The following CHCHD3 variants were observed in gnomAD, a reference collection of about 807,000 sequenced individuals.
CHCHD3 encodes the protein MICOS complex subunit MIC19.
Under a neutral mutation model 38.2 loss-of-function variants are expected in CHCHD3, and 20 were observed. That is an observed-to-expected ratio of 0.52 (90% CI 0.37 to 0.76). CHCHD3 has a LOEUF of 0.76. Ranked by LOEUF, CHCHD3 falls within the 30% of genes least tolerant of loss-of-function variation. The pLI is 0.00. For missense variants in CHCHD3, 245 were observed against 279.2 expected (o/e 0.88, Z 0.87); for synonymous variants, 82 against 100.0 (o/e 0.82, Z 1.07).
chr7:132,839,472 C>G (rs1484884295), intron 5 of CHCHD3, among the ~76,000 whole-genome samples: 1 of 152,038 alleles, frequency 6.6e-6, no homozygotes, highest in Non-Finnish European at 1.5e-5. Context: ...CCTAAATGAC[C>G]CCATGAGCCC....
intron 6 of CHCHD3, among the ~76,000 whole-genome samples, chr7:132,821,499 G>A (rs1349498597): frequency 6.6e-6 from 1 of 152,122 alleles, no homozygotes; most frequent in East Asian, 1.9e-4. Flanking sequence ...ATGAAGAGAA[G>A]TCCTAATAAA....
chr7:133,057,632 T>C (rs1042262484), intron 2 of CHCHD3, among the ~76,000 whole-genome samples: 1 of 152,174 alleles, frequency 6.6e-6, no homozygotes, highest in African/African-American at 2.4e-5. Context: ...ATTTTTAAAA[T>C]CACCATTTTT....
At chr7:132,859,047 A>C (rs1365224935) in intron 5 of CHCHD3, among the ~76,000 whole-genome samples, 1 of 152,148 alleles carries the variant, frequency 6.6e-6, no homozygotes, top group Non-Finnish European at 1.5e-5. Flanking sequence ...CAGCTACAGT[A>C]CAGTGATTTG....
At chr7:132,970,155 A>G (rs766024287) in intron 4 of CHCHD3, among the ~76,000 whole-genome samples, 1 of 152,298 alleles carries the variant, frequency 6.6e-6, no homozygotes. Flanking sequence ...ATTCCCACTC[A>G]GCAACTTCTA....
chr7:132,886,709 A>T (rs568999716), intron 4 of CHCHD3, among the ~76,000 whole-genome samples: 86 of 150,964 alleles, frequency 5.7e-4, no homozygotes, highest in African/African-American at 1.7e-3. Context: ...AGATATATAT[A>T]TTTTTGTGTG....
chr7:132,991,396 T>C (rs1309170065), intron 3 of CHCHD3, among the ~76,000 whole-genome samples: 1 of 152,230 alleles, frequency 6.6e-6, no homozygotes, highest in East Asian at 1.9e-4. Flanking sequence ...ATAGCTCTTA[T>C]TGTGCATGTG....
chr7:133,034,711 G>A, intron 2 of CHCHD3: 3 of 1,613,400 alleles, frequency 1.9e-6, no homozygotes, highest in Non-Finnish European at 1.7e-6. Flanking sequence ...TCTCTGCCAG[G>A]ATCCAGTTTC....
At chr7:132,830,982 C>A (rs993709184) in intron 6 of CHCHD3, among the ~76,000 whole-genome samples, 28 of 152,112 alleles carry the variant, frequency 1.8e-4, no homozygotes, top group Admixed American at 1.3e-4. Flanking sequence ...TGCTATATTT[C>A]TTGCTCACAG....
At chr7:132,995,816 A>C (rs890345056) in intron 3 of CHCHD3, among the ~76,000 whole-genome samples, 5 of 152,346 alleles carry the variant, frequency 3.3e-5, no homozygotes, top group Middle Eastern at 3.4e-3. Flanking sequence ...CATACAAATT[A>C]TACCATTTAA....
At chr7:132,859,876 A>G (rs1334452462) in intron 5 of CHCHD3, among the ~76,000 whole-genome samples, 1 of 152,200 alleles carries the variant, frequency 6.6e-6, no homozygotes, top group African/African-American at 2.4e-5. Context: ...GACAACTCCC[A>G]GATCTATATA....
intron 4 of CHCHD3, among the ~76,000 whole-genome samples, chr7:132,917,858 C>CAAAAAAAA (rs33977058): frequency 1.1e-5 from 1 of 93,014 alleles, no homozygotes; most frequent in Admixed American, 1.4e-4. Flanking sequence ...GACTCCATCT[C>CAAAAAAAA]AAAAAAAAAA....
intron 4 of CHCHD3, among the ~76,000 whole-genome samples, chr7:132,913,926 G>T (rs888733697): frequency 1.6e-4 from 24 of 150,934 alleles, no homozygotes; most frequent in African/African-American, 3.4e-4. Flanking sequence ...ACAGAAAAAG[G>T]CTCTGTAAAC....
chr7:132,873,732 G>T lies in CHCHD3; in HGVS notation c.453+11930C>A, dbSNP rs114255169. Among the ~76,000 whole-genome samples, 788 of 151,490 alleles carry T rather than the reference G, an allele frequency of 5.2e-3. 9 individuals are homozygous for T. Among genetic ancestry groups the T allele is most frequent in the African/African-American group, 0.018 (758 of 41,352 alleles). On this transcript the variant is annotated intron_variant, in intron 5 of 7. Transcript: ENST00000262570. ...ATATGAAGTTGGGCATTCTATTTAG[G>T]TTAAAGATTGTGGATAAAATTGATA...
rs888316413 is a variant in CHCHD3, at chr7:133,035,203, C to G, written c.170-10576G>C. 5.0e-6 allele frequency: 8 copies of G among 1,613,656 alleles called. No homozygotes were observed. The highest frequency in any genetic ancestry group is 6.8e-6 in the Non-Finnish European group (8 of 1,179,734). On this transcript the variant is annotated intron_variant, in intron 2 of 7. Transcript: ENST00000262570. This position sits in a 1 kb window ranked among gnomAD's most constrained non-coding sequence, Gnocchi z 4.7. ...CGCTCAGCCTGGGGCTTCTGCTTCT[C>G]TTCCCGTGAACCCTTCTCTTTCCGT...
rs568807680 is a variant in CHCHD3, at chr7:133,025,711, A to G, written c.170-1084T>C. 2.2e-4 allele frequency among the ~76,000 whole-genome samples: 33 copies of G among 152,282 alleles called. No individual in the cohort carries two copies. In the South Asian group the frequency reaches 3.7e-3, roughly 17 times the overall value. ...AGTAGAGATGGCGTTTCATCATGTT[A>G]GCCAGGATGGTCTCAATCTCCTGAC... On this transcript the variant is annotated intron_variant, in intron 2 of 7. Transcript: ENST00000262570.
chr7:133,039,964 T>G (rs1813786099), intron 2 of CHCHD3, among the ~76,000 whole-genome samples: 1 of 152,162 alleles, frequency 6.6e-6, no homozygotes, highest in African/African-American at 2.4e-5. Context: ...TAGGGAATCA[T>G]CAAATTATCC....
intron 4 of CHCHD3, among the ~76,000 whole-genome samples, chr7:132,965,564 T>A (rs1274775081): frequency 2.0e-5 from 3 of 152,178 alleles, no homozygotes; most frequent in Non-Finnish European, 4.4e-5. Context: ...TGTGATGCCT[T>A]TGGGGCTCAG....
At chr7:132,836,418 C>T (rs1031133327) in intron 6 of CHCHD3, among the ~76,000 whole-genome samples, 16 of 152,078 alleles carry the variant, frequency 1.1e-4, no homozygotes, top group African/African-American at 3.1e-4. Context: ...TCACGCCTGG[C>T]GCCATGTCTA....
At chr7:132,840,019 G>C (rs141836916) in intron 5 of CHCHD3, among the ~76,000 whole-genome samples, 3 of 152,316 alleles carry the variant, frequency 2.0e-5, no homozygotes, top group East Asian at 3.9e-4. Flanking sequence ...TAAGTGTACT[G>C]CTGCTGCATT....
Sources: allele counts gnomAD v4.1 joint callset (sites outside exome capture counted in the v4.1 genomes callset), GRCh38; gene constraint gnomAD v4.1.1; non-coding constraint Gnocchi (gnomAD v3.1); transcripts MANE v1.5; gene names NCBI Gene and HGNC (gene_info 2026-07-23, HGNC 2026-07-21).